The following LINGO2 variants were observed in gnomAD, a reference collection of about 807,000 sequenced individuals.
The protein encoded by LINGO2 is leucine rich repeat and Ig domain containing 2, also known as leucine-rich repeat and immunoglobulin-like domain-containing nogo receptor-interacting protein 2.
Under a neutral mutation model 30.6 loss-of-function variants are expected in LINGO2, and 14 were observed. The ratio of observed to expected loss-of-function variants is 0.46; its 90% CI spans 0.30 to 0.72. The LOEUF (loss-of-function observed/expected upper bound fraction) is 0.72, where lower values mean the gene tolerates loss of function less well. Ranked by LOEUF, LINGO2 falls within the 30% of genes least tolerant of loss-of-function variation. LINGO2 has a pLI of 0.07. For missense variants in LINGO2, 729 were observed against 751.7 expected, an observed-to-expected ratio of 0.97 and a Z score of 0.35; for synonymous variants, 317 against 288.5, an observed-to-expected ratio of 1.10 and a Z score of -1.00.
chr9:28,786,589 C>A, the LINGO2 span, among the ~76,000 whole-genome samples: 1 of 152,092 alleles, frequency 6.6e-6, no homozygotes, highest in African/African-American at 2.4e-5. Context: ...ATAAGAGAGC[C>A]TGAGGTAGAG....
chr9:28,534,635 T>C (rs1821357775), intron 1 of LINGO2, among the ~76,000 whole-genome samples: 1 of 152,154 alleles, frequency 6.6e-6, no homozygotes, highest in South Asian at 2.1e-4. Context: ...GCTTACTTAT[T>C]ATAATGTTTG....
the LINGO2 span, among the ~76,000 whole-genome samples, chr9:29,197,485 TATA>T: frequency 6.6e-6 from 1 of 151,994 alleles, no homozygotes; most frequent in Non-Finnish European, 1.5e-5. Context: ...GAGATAAAAT[TATA>T]ATAATAATAG....
the LINGO2 span, among the ~76,000 whole-genome samples, chr9:29,196,141 A>G: frequency 1.3e-5 from 2 of 152,064 alleles, no homozygotes; most frequent in South Asian, 4.1e-4. Context: ...AAGTTATTAA[A>G]TTGGACCCTG....
At chr9:28,939,413 T>C in the LINGO2 span, among the ~76,000 whole-genome samples, 1 of 152,190 alleles carries the variant, frequency 6.6e-6, no homozygotes, top group Non-Finnish European at 1.5e-5. Flanking sequence ...CTTTCTTTCA[T>C]ACCCTTCAGC....
the LINGO2 span, among the ~76,000 whole-genome samples, chr9:29,185,082 T>A: frequency 1.3e-5 from 2 of 152,152 alleles, no homozygotes; most frequent in Non-Finnish European, 2.9e-5. Context: ...TGATCTCAAC[T>A]GTGTTCACTC....
At chr9:28,644,130 C>A (rs1311453969) in intron 1 of LINGO2, among the ~76,000 whole-genome samples, 1 of 151,538 alleles carries the variant, frequency 6.6e-6, no homozygotes, top group Admixed American at 6.6e-5. Context: ...GGACATTCCT[C>A]AAAAAACCAA....
chr9:28,996,185 G>T, the LINGO2 span, among the ~76,000 whole-genome samples: 77 of 150,506 alleles, frequency 5.1e-4, no homozygotes, highest in African/African-American at 1.5e-3. Context: ...CTAAGATTAT[G>T]AACTGAATGA....
At chr9:28,094,711 T>C (rs905934618) in intron 4 of LINGO2, among the ~76,000 whole-genome samples, 1 of 152,112 alleles carries the variant, frequency 6.6e-6, no homozygotes, top group East Asian at 1.9e-4. Context: ...TTAGAACAAG[T>C]GTTCAATTTT....
the LINGO2 span, among the ~76,000 whole-genome samples, chr9:28,707,297 A>AT: frequency 6.6e-6 from 1 of 152,242 alleles, no homozygotes; most frequent in South Asian, 2.1e-4. Context: ...GAGACACAGC[A>AT]TGTAGGATGC....
intron 5 of LINGO2, among the ~76,000 whole-genome samples, chr9:27,975,320 A>G (rs982918486): frequency 5.9e-5 from 9 of 151,732 alleles, no homozygotes; most frequent in Admixed American, 5.3e-4. Flanking sequence ...ACTATGTAGA[A>G]TTTGGTTTAG....
chr9:28,787,360 C>A, the LINGO2 span, among the ~76,000 whole-genome samples: 6,843 of 152,060 alleles, frequency 0.045, 214 homozygotes, highest in Admixed American at 0.085. Flanking sequence ...TGTATCTATA[C>A]CAATCAAATA....
At chr9:29,055,936 G>GTATATATATATATATATACACACATATA in the LINGO2 span, among the ~76,000 whole-genome samples, 1 of 121,862 alleles carries the variant, frequency 8.2e-6, no homozygotes, top group South Asian at 2.6e-4. Flanking sequence ...GTGTATGTGT[G>GTATATATATATATATATACACACATATA]TGTGTATATA....
the LINGO2 span, among the ~76,000 whole-genome samples, chr9:29,115,587 G>GTT: frequency 0.23 from 34,310 of 150,328 alleles, 4,009 homozygotes; most frequent in East Asian, 0.4. Context: ...TATTGAATGT[G>GTT]TTTTTTTTTA....
intron 4 of LINGO2, among the ~76,000 whole-genome samples, chr9:28,220,410 T>C (rs1820916635): frequency 6.6e-6 from 1 of 152,094 alleles, no homozygotes; most frequent in South Asian, 2.1e-4. Flanking sequence ...TATGAGAAAA[T>C]AAGACTCCTG....
the LINGO2 span, among the ~76,000 whole-genome samples, chr9:29,072,045 C>T: frequency 5.0e-3 from 760 of 152,120 alleles, 7 homozygotes; most frequent in African/African-American, 0.018. Flanking sequence ...GATTCTGAAG[C>T]CATAGTGTAT....
chr9:28,395,127 G>C lies in LINGO2; in HGVS notation c.-278-22259C>G, dbSNP rs1325866999. Among the ~76,000 whole-genome samples the C allele has an allele frequency of 3.3e-5, 5 of 152,138 alleles. No individual in the cohort carries two copies. The East Asian group carries it at 7.7e-4, about 23-fold the overall frequency. ...AACAAAATTAACAGGTACTTGATAAGGGTCCCAGCCCACCATCAAAACTGA... is the reference window on the plus strand; with the variant it reads ...AACAAAATTAACAGGTACTTGATAACGGTCCCAGCCCACCATCAAAACTGA... On this transcript the variant is annotated intron_variant, in intron 2 of 5. Transcript: ENST00000379992.
chr9:28,913,446 CATG>C, the LINGO2 span, among the ~76,000 whole-genome samples: 3 of 152,042 alleles, frequency 2.0e-5, no homozygotes, highest in Non-Finnish European at 4.4e-5. Context: ...AGTACTGTTG[CATG>C]ATATGTCAAC....
intron 4 of LINGO2, among the ~76,000 whole-genome samples, chr9:28,059,353 G>GC (rs1038618960): frequency 1.6e-4 from 25 of 151,970 alleles, no homozygotes; most frequent in East Asian, 5.8e-4. Flanking sequence ...CACTAGTGAT[G>GC]CCCCCCCACC....
chr9:28,982,127 T>G, the LINGO2 span, among the ~76,000 whole-genome samples: 11 of 152,208 alleles, frequency 7.2e-5, no homozygotes, highest in South Asian at 8.3e-4. Flanking sequence ...CTTTAAAAAT[T>G]CAAATTTCTA....
Sources: allele counts gnomAD v4.1 joint callset (sites outside exome capture counted in the v4.1 genomes callset), GRCh38; gene constraint gnomAD v4.1.1; transcripts MANE v1.5; gene names NCBI Gene and HGNC (gene_info 2026-07-23, HGNC 2026-07-21).